The following CELF2 variants were observed in gnomAD, a reference collection of about 807,000 sequenced individuals.
CELF2 encodes CUG triplet repeat RNA-binding protein 2.
CELF2 carries 8 observed loss-of-function variants against 62.6 expected under a neutral mutation model. The observed-to-expected ratio is 0.13, with a 90% CI of 0.07 to 0.23. The LOEUF (loss-of-function observed/expected upper bound fraction) is 0.23, where lower values mean the gene tolerates loss of function less well. Ranked by LOEUF, CELF2 falls within the 10% of genes least tolerant of loss-of-function variation. CELF2 has a pLI of 1.00. For missense variants in CELF2, 333 were observed against 671.0 expected (o/e 0.50, Z 5.56); for synonymous variants, 258 against 250.0 (o/e 1.03, Z -0.30).
intron 2 of CELF2, among the ~76,000 whole-genome samples, chr10:11,206,005 C>T (rs1034894539): frequency 2.6e-5 from 4 of 152,194 alleles, no homozygotes; most frequent in East Asian, 1.9e-4. Context: ...TAGATTATGA[C>T]GTCCTTATTC....
chr10:10,637,588 A>C, the CELF2 span, among the ~76,000 whole-genome samples: 2 of 152,202 alleles, frequency 1.3e-5, no homozygotes, highest in Admixed American at 1.3e-4. Context: ...CTGATATGTC[A>C]TCACTTCCAT....
At chr10:10,675,411 C>A in the CELF2 span, among the ~76,000 whole-genome samples, 1 of 151,894 alleles carries the variant, frequency 6.6e-6, no homozygotes, top group Non-Finnish European at 1.5e-5. Flanking sequence ...GAATTTTCTT[C>A]TTTATCTTTG....
chr10:10,628,312 T>C, the CELF2 span, among the ~76,000 whole-genome samples: 1 of 152,132 alleles, frequency 6.6e-6, no homozygotes, highest in Non-Finnish European at 1.5e-5. Context: ...TTTATTATCA[T>C]ACAAACTAAG....
At chr10:11,025,997 GCTT>G (rs1292209038) in intron 1 of CELF2, among the ~76,000 whole-genome samples, 6 of 152,320 alleles carry the variant, frequency 3.9e-5, no homozygotes, top group South Asian at 2.1e-4. Context: ...GGATCTGGGG[GCTT>G]CTTCTGTTTC....
chr10:10,588,567 G>T, the CELF2 span, among the ~76,000 whole-genome samples: 1 of 152,184 alleles, frequency 6.6e-6, no homozygotes, highest in African/African-American at 2.4e-5. Flanking sequence ...TCAATATGGT[G>T]GTGGGGTGGG....
chr10:11,202,711 T>C (rs1462835046), intron 2 of CELF2, among the ~76,000 whole-genome samples: 2 of 152,224 alleles, frequency 1.3e-5, no homozygotes, highest in Non-Finnish European at 2.9e-5. Context: ...CTTCTTGTTA[T>C]CGAATATAAT....
chr10:10,545,363 T>C, the CELF2 span, among the ~76,000 whole-genome samples: 1 of 152,208 alleles, frequency 6.6e-6, no homozygotes, highest in Non-Finnish European at 1.5e-5. Context: ...TAACCTAGTA[T>C]GGCTAGTAAT....
Position 11,231,705 on chromosome 10 carries a change from T to C in CELF2, c.354+14198T>C, listed in dbSNP as rs561869391. Among the ~76,000 whole-genome samples the C allele has an allele frequency of 4.2e-4, 64 of 150,762 alleles. 1 individual carries two copies. Among genetic ancestry groups the C allele is most frequent in the African/African-American group, 1.4e-3 (58 of 41,004 alleles). ...TGGTTGCTTTCTTTTTTTTTTTTTT[T>C]TCCCAAAAAGGCAAGAAACGTTTAG... On this transcript the variant is annotated intron_variant, in intron 3 of 12. Coordinates refer to ENST00000633077, the MANE Select transcript of CELF2 (RefSeq NM_001326342.2).
At chr10:11,199,649 C>T (rs888248472) in intron 2 of CELF2, among the ~76,000 whole-genome samples, 6 of 152,190 alleles carry the variant, frequency 3.9e-5, no homozygotes, top group Non-Finnish European at 5.9e-5. Context: ...AGACTCCACT[C>T]AGCTTGTCTG....
chr10:11,024,764 G>C (rs1019945254), intron 1 of CELF2, among the ~76,000 whole-genome samples: 2 of 152,098 alleles, frequency 1.3e-5, no homozygotes, highest in Non-Finnish European at 2.9e-5. Flanking sequence ...GCTCCAATAG[G>C]ACTGAAGATT....
rs2138625055 is a variant in CELF2, at chr10:11,270,950, C to A, written c.777+126C>A. On this transcript the variant is annotated intron_variant, in intron 7 of 12. Coordinates refer to ENST00000633077, the MANE Select transcript of CELF2 (RefSeq NM_001326342.2). The surrounding 1 kb of genome is among the most constrained non-coding windows in gnomAD (Gnocchi z 5.8). ...AATCTCGGGGAATTATTGAAATCAG[C>A]ATTTATGCAGGATATTTTTCCAAGT... 1 of 902,772 alleles carries A rather than the reference C, an allele frequency of 1.1e-6. No homozygotes were observed. Among genetic ancestry groups the A allele is most frequent in the Non-Finnish European group, 1.5e-6 (1 of 662,192 alleles). The allele number at this position is 902,772 out of a possible 1,614,324, so 55.9% of individuals were successfully genotyped here.
At chr10:10,848,449 G>A (rs1251940457) in intron 1 of CELF2, among the ~76,000 whole-genome samples, 4 of 152,184 alleles carry the variant, frequency 2.6e-5, no homozygotes, top group Non-Finnish European at 4.4e-5. Context: ...GCTTAGGAGC[G>A]TTGCTTTTGA....
In CELF2 at chr10:11,267,325, G is replaced by T. The variant is rs2082426012; in HGVS notation, c.618+648G>T. 1.3e-5 allele frequency among the ~76,000 whole-genome samples: 2 copies of T among 152,314 alleles called. No individual in the cohort carries two copies. Among genetic ancestry groups the T allele is most frequent in the South Asian group, 2.1e-4 (1 of 4,822 alleles). On this transcript the variant is annotated intron_variant, in intron 6 of 12. Transcript: ENST00000633077. This position sits in a 1 kb window ranked among gnomAD's most constrained non-coding sequence, Gnocchi z 4.4. The stretch of plus-strand genomic sequence containing the variant: ...TGAGAGATCATGGCTTTAGGGGAAG[G>T]TAAACACCCTGGTGTGGATGCACAC...
chr10:11,044,669 G>A (rs2062490528), intron 1 of CELF2, among the ~76,000 whole-genome samples: 1 of 152,058 alleles, frequency 6.6e-6, no homozygotes, highest in South Asian at 2.1e-4. Flanking sequence ...GACCCTATTA[G>A]CCAAGTACAC....
At chr10:11,298,617 T>A (rs765314372) in intron 9 of CELF2, among the ~76,000 whole-genome samples, 1 of 150,638 alleles carries the variant, frequency 6.6e-6, no homozygotes, top group Non-Finnish European at 1.5e-5. Flanking sequence ...AGTAATGTAA[T>A]CTTAATTATT....
chr10:10,693,193 T>G, the CELF2 span, among the ~76,000 whole-genome samples: 12 of 115,738 alleles, frequency 1.0e-4, no homozygotes, highest in African/African-American at 1.3e-4. Flanking sequence ...CATCAATACC[T>G]AATTTATTGA....
At chr10:10,774,221 C>G in the CELF2 span, among the ~76,000 whole-genome samples, 1,089 of 152,258 alleles carry the variant, frequency 7.2e-3, 16 homozygotes, top group African/African-American at 0.025. Flanking sequence ...GAGATGGGGC[C>G]CCTGACTTCA....
intron 5 of CELF2, 143 bp from the exon 6 acceptor site, chr10:11,266,455 G>A: frequency 1.9e-6 from 1 of 526,426 alleles, no homozygotes; most frequent in East Asian, 3.1e-5. Flanking sequence ...ACCAGAGAGA[G>A]AAGTTGTTTT....
rs2095905578 is a variant in CELF2, at chr10:11,328,948, A to G, written c.1461A>G (p.Pro487=). ...CAGGTTTTGTTAGCTACGACAATCC[A>G]GTCTCTGCACAAGCTGCTATCCAAG... ...KCFGFVSYDN[P]VSAQAAIQAM... The change falls in exon 13 of 13, where the codon CCA becomes CCG. Residue 487 remains proline (P), a synonymous_variant. Transcript: ENST00000633077. This position sits in a 1 kb window ranked among gnomAD's most constrained non-coding sequence, Gnocchi z 6.4. 6.2e-7 allele frequency: 1 copy of G among 1,610,360 alleles called. No homozygotes were observed. Among genetic ancestry groups the G allele is most frequent in the Non-Finnish European group, 8.5e-7 (1 of 1,177,546 alleles).
Sources: gnomAD v4.1 joint callset for allele counts (sites outside exome capture counted in the v4.1 genomes callset) on GRCh38, gnomAD v4.1.1 for gene constraint, Gnocchi (gnomAD v3.1) non-coding constraint, MANE v1.5 for transcripts, NCBI Gene and HGNC (gene_info 2026-07-23, HGNC 2026-07-21) for gene names.